Variants in ADARB2 observed in about 807,000 individuals in gnomAD.
The protein encoded by ADARB2 is inactive double-stranded RNA-specific editase B2.
Under a neutral mutation model 62.2 loss-of-function variants are expected in ADARB2, and 25 were observed. That is an observed-to-expected ratio of 0.40 (90% confidence interval 0.29 to 0.56). ADARB2 has a LOEUF of 0.56. Among genes scored for constraint, ADARB2 ranks in the 20% least tolerant of loss-of-function variants. ADARB2 has a pLI of 0.43. For missense variants in ADARB2, 1,071 were observed against 1,077.4 expected, an observed-to-expected ratio of 0.99 and a Z score of 0.08; for synonymous variants, 572 against 500.8, an observed-to-expected ratio of 1.14 and a Z score of -1.90.
At position 1,379,106 on chromosome 10, in the gene ADARB2, C is replaced by T. The variant is rs1377611773; in HGVS notation, c.155G>A (p.Gly52Asp). The change falls in exon 2 of 10, where the codon GGC (glycine) becomes GAC (aspartate). Residue 52 changes from glycine to aspartate, a missense_variant. Gly to Asp is a moderately conservative substitution (Grantham distance 94). Transcript: ENST00000381312. ...FLAPFKHLSP[G>D]ITNTEDDDTL... ...GTCGTCATCCTCCGTGTTTGTGATG[C>T]CAGGACTCAGGTGCTTGAAAGGAGC... is the stretch of plus-strand genomic sequence containing the variant. 2.5e-6 allele frequency: 4 copies of T among 1,613,714 alleles called. No individual in the cohort carries two copies. The highest frequency in any genetic ancestry group is 3.4e-6 in the Non-Finnish European group (4 of 1,179,876).
intron 1 of ADARB2, among the ~76,000 whole-genome samples, chr10:1,726,483 A>G (rs1299134251): frequency 1.3e-5 from 2 of 152,202 alleles, no homozygotes; most frequent in Non-Finnish European, 2.9e-5. Flanking sequence ...TGGTGCTGCC[A>G]GCACCTTCTG....
intron 1 of ADARB2, among the ~76,000 whole-genome samples, chr10:1,532,821 G>T (rs1189077407): frequency 6.6e-6 from 1 of 152,176 alleles, no homozygotes; most frequent in Non-Finnish European, 1.5e-5. Context: ...ATGTGCAGGT[G>T]CCCGCAGGCG....
At chr10:1,356,187 G>A (rs904936855) in intron 3 of ADARB2, among the ~76,000 whole-genome samples, 3 of 152,196 alleles carry the variant, frequency 2.0e-5, no homozygotes, top group Admixed American at 6.5e-5. Context: ...CTGCAGGACT[G>A]TTTTTCCTTC....
At chr10:1,667,109 C>A (rs550736283) in intron 1 of ADARB2, among the ~76,000 whole-genome samples, 12 of 152,148 alleles carry the variant, frequency 7.9e-5, no homozygotes, top group African/African-American at 2.9e-4. Context: ...GAATTATTTG[C>A]GTAAATTGTC....
At chr10:1,479,894 T>TG (rs1831445668) in intron 1 of ADARB2, among the ~76,000 whole-genome samples, 1 of 152,152 alleles carries the variant, frequency 6.6e-6, no homozygotes, top group Non-Finnish European at 1.5e-5. Context: ...CCAGGTTCTT[T>TG]GGGGCCCTCC....
rs563086649 is a variant in ADARB2 at position 1,470,348 on chromosome 10, C to T, written c.101-91188G>A. ...TGCAGTACACACGTCTTTCCATATC[C>T]ACGCACAGCATATCCTTCGCTAAGA... On this transcript the variant is annotated intron_variant, in intron 1 of 9. Transcript: ENST00000381312. 7.9e-5 allele frequency among the ~76,000 whole-genome samples: 12 copies of T among 152,350 alleles called. No homozygotes were observed. In the South Asian group the frequency reaches 2.5e-3, roughly 32 times the overall value.
chr10:1,282,711 A>G (rs945443061), intron 3 of ADARB2, among the ~76,000 whole-genome samples: 4 of 152,242 alleles, frequency 2.6e-5, no homozygotes, highest in African/African-American at 9.6e-5. Context: ...AAAGTGCTCA[A>G]AAATAAGCTT....
At chr10:1,459,943 T>C (rs1446093346) in intron 1 of ADARB2, among the ~76,000 whole-genome samples, 3 of 143,456 alleles carry the variant, frequency 2.1e-5, no homozygotes, top group South Asian at 4.7e-4. Flanking sequence ...TTTACCTGCG[T>C]TACGAACCTG....
chr10:1,544,430 G>A (rs1832488109), intron 1 of ADARB2, among the ~76,000 whole-genome samples: 2 of 152,230 alleles, frequency 1.3e-5, no homozygotes, highest in South Asian at 4.1e-4. Flanking sequence ...GCAGGCTTGG[G>A]GGTCTGTGGC....
intron 1 of ADARB2, among the ~76,000 whole-genome samples, chr10:1,498,105 G>T (rs1053545449): frequency 2.6e-5 from 4 of 152,174 alleles, no homozygotes; most frequent in Non-Finnish European, 4.4e-5. Flanking sequence ...GGGCATGGTG[G>T]CTCACGCTTG....
chr10:1,444,348 C>G (rs57455295), intron 1 of ADARB2, among the ~76,000 whole-genome samples: 532 of 5,924 alleles, frequency 0.09, 8 homozygotes, highest in African/African-American at 0.23. Flanking sequence ...CATCCACTCA[C>G]CCATCCACTC....
intron 3 of ADARB2, among the ~76,000 whole-genome samples, chr10:1,362,538 G>A (rs959553140): frequency 6.6e-6 from 1 of 152,102 alleles, no homozygotes; most frequent in Non-Finnish European, 1.5e-5. Flanking sequence ...GTGAGGCCCA[G>A]CTCCCCACTC....
chr10:1,357,202 C>CA (rs1319842073), intron 3 of ADARB2, among the ~76,000 whole-genome samples: 4 of 152,208 alleles, frequency 2.6e-5, no homozygotes, highest in Non-Finnish European at 1.5e-5. Context: ...GATTTATTCA[C>CA]AAAGTGAGTG....
At chr10:1,476,554 C>G (rs1004892418) in intron 1 of ADARB2, among the ~76,000 whole-genome samples, 4 of 152,224 alleles carry the variant, frequency 2.6e-5, no homozygotes, top group East Asian at 1.9e-4. Context: ...GGTTATTGCT[C>G]TGCTTCCATG....
In ADARB2 at chr10:1,183,245, C is replaced by T. The variant is rs776807532; in HGVS notation, c.2168G>A (p.Gly723Asp). Reference sequence around the variant, plus strand: ...CTCCGGTGGTTTCCTCACCCAGGTGCCCAGGCCAGCCTTCTGAAAGGCCTT... The same window carrying T: ...CTCCGGTGGTTTCCTCACCCAGGTGTCCAGGCCAGCCTTCTGAAAGGCCTT... ...LFKAFQKAGL[G>D]TWVRKPPEQQ... The change falls in exon 10 of 10, where the codon GGC becomes GAC. Residue 723 changes from glycine (G) to aspartate (D), a missense_variant. Coordinates refer to ENST00000381312, the MANE Select transcript of ADARB2 (RefSeq NM_018702.4). The T allele has an allele frequency of 6.2e-7, 1 of 1,613,984 alleles. No homozygotes were observed. The highest frequency in any genetic ancestry group is 2.2e-5 in the East Asian group (1 of 44,874).
intron 1 of ADARB2, among the ~76,000 whole-genome samples, chr10:1,642,985 C>T (rs7097535): frequency 0.24 from 36,259 of 152,236 alleles, 4,632 homozygotes; most frequent in Middle Eastern, 0.33. Flanking sequence ...CGGATTCCCA[C>T]TGTGTGCAAG....
chr10:1,213,494 C>A (rs567474117), intron 7 of ADARB2, among the ~76,000 whole-genome samples: 1 of 152,286 alleles, frequency 6.6e-6, no homozygotes, highest in Admixed American at 6.5e-5. Context: ...TGCCCCCACA[C>A]CTGGGCACCC....
chr10:1,376,649 A>G (rs748783858), intron 2 of ADARB2, among the ~76,000 whole-genome samples: 4 of 152,208 alleles, frequency 2.6e-5, no homozygotes, highest in Non-Finnish European at 5.9e-5. Context: ...TAGTTGCTAC[A>G]GAAAGGCGGC....
chr10:1,637,070 T>C (rs1011200188), intron 1 of ADARB2, among the ~76,000 whole-genome samples: 4 of 152,134 alleles, frequency 2.6e-5, no homozygotes, highest in African/African-American at 9.7e-5. Context: ...GGCTGTTGCT[T>C]AAATCTTACA....
Sources: gnomAD v4.1 joint callset for allele counts (sites outside exome capture counted in the v4.1 genomes callset) on GRCh38, gnomAD v4.1.1 for gene constraint, MANE v1.5 for transcripts, NCBI Gene and HGNC (gene_info 2026-07-23, HGNC 2026-07-21) for gene names.